The following CWF19L2 variants were observed in gnomAD, a reference collection of about 807,000 sequenced individuals.
The protein encoded by CWF19L2 is CWF19-like protein 2.
In CWF19L2, 98 loss-of-function variants were observed where a neutral mutation model predicts 111.7. That is an observed-to-expected ratio of 0.88 (90% CI 0.75 to 1.04). The LOEUF (loss-of-function observed/expected upper bound fraction) is 1.04, where lower values mean the gene tolerates loss of function less well. CWF19L2 is among the 50% of genes least tolerant of loss of function. The pLI is 0.00. For synonymous variants in CWF19L2, 351 were observed against 342.9 expected (o/e 1.02, Z -0.26); for missense variants, 1,101 against 1,051.4 (o/e 1.05, Z -0.65).
In CWF19L2 at chr11:107,356,988, A is replaced by C. The variant is rs999237703; in HGVS notation, c.1873-3252T>G. Among the ~76,000 whole-genome samples the C allele has an allele frequency of 2.6e-5, 4 of 152,298 alleles. 1 individual carries two copies. The highest frequency in any genetic ancestry group is 9.6e-5 in the African/African-American group (4 of 41,556). The stretch of plus-strand genomic sequence containing the variant: ...AGGAGGCGGAGGTTGCTGTGGGCCG[A>C]AATCACGCCATTGCACTCCAGCCTG... On this transcript the variant is annotated intron_variant, in intron 12 of 17. Coordinates refer to ENST00000282251, the MANE Select transcript of CWF19L2 (RefSeq NM_152434.3).
chr11:107,431,141 C>T (rs1861460769), intron 7 of CWF19L2, among the ~76,000 whole-genome samples: 1 of 151,824 alleles, frequency 6.6e-6, no homozygotes, highest in Non-Finnish European at 1.5e-5. Context: ...ATACCAGCTT[C>T]CAATCCTGTT....
At chr11:107,456,603 A>T (rs1861859017) in intron 1 of CWF19L2, among the ~76,000 whole-genome samples, 1 of 151,840 alleles carries the variant, frequency 6.6e-6, no homozygotes, top group South Asian at 2.1e-4. Flanking sequence ...AAAATAATTT[A>T]TTAAAGGTTT....
chr11:107,416,501 C>T (rs1861228601), intron 9 of CWF19L2, among the ~76,000 whole-genome samples: 1 of 152,106 alleles, frequency 6.6e-6, no homozygotes, highest in Non-Finnish European at 1.5e-5. Context: ...ATACCTGTGA[C>T]ATGCTTCAAA....
chr11:107,392,140 T>C (rs138715841), intron 11 of CWF19L2, among the ~76,000 whole-genome samples: 14 of 152,294 alleles, frequency 9.2e-5, no homozygotes, highest in Middle Eastern at 6.8e-3. Context: ...TCTAGCAACA[T>C]AGGCACTCAA....
At chr11:107,440,187 C>T (rs1360654334) in intron 5 of CWF19L2, among the ~76,000 whole-genome samples, 1 of 151,922 alleles carries the variant, frequency 6.6e-6, no homozygotes, top group Non-Finnish European at 1.5e-5. Context: ...CTAATGATAC[C>T]GAAGTTGACC....
In CWF19L2 at chr11:107,369,529, C is replaced by A. The variant is rs552612080; in HGVS notation, c.1873-15793G>T. Among the ~76,000 whole-genome samples the A allele has an allele frequency of 1.5e-5, 2 of 137,658 alleles. 1 individual carries two copies. The highest frequency in any genetic ancestry group is 3.1e-5 in the Non-Finnish European group (2 of 64,192). The allele number at this position is 137,658 out of a possible 152,430, so 90.3% of individuals were successfully genotyped here. A position where few individuals can be genotyped will look rare whatever the true frequency, so the allele number is the denominator to read the frequency against. ...CATAGGCTTGACTTATTCCCTGGCC[C>A]ACAATGACATTCTAGCTAGAAGCAA... On this transcript the variant is annotated intron_variant, in intron 12 of 17. Coordinates refer to ENST00000282251, the MANE Select transcript of CWF19L2 (RefSeq NM_152434.3).
At chr11:107,359,946 G>C (rs570425989) in intron 12 of CWF19L2, among the ~76,000 whole-genome samples, 1 of 152,356 alleles carries the variant, frequency 6.6e-6, no homozygotes, top group South Asian at 2.1e-4. Context: ...ACGGAGGTAA[G>C]AGGAAGTATG....
At chr11:107,409,744 G>A (rs1410873680) in intron 10 of CWF19L2, among the ~76,000 whole-genome samples, 3 of 152,084 alleles carry the variant, frequency 2.0e-5, no homozygotes, top group Non-Finnish European at 4.4e-5. Flanking sequence ...GAAGCTATGT[G>A]GTGGGCTTAA....
chr11:107,353,497 A>T, intron 13 of CWF19L2, 27 bp downstream of exon 13: 2 of 1,567,728 alleles, frequency 1.3e-6, no homozygotes, highest in Non-Finnish European at 1.8e-6. Flanking sequence ...ATGAGAATGT[A>T]AGCAAAGGAT....
chr11:107,339,854 G>A (rs1294328062), intron 14 of CWF19L2, among the ~76,000 whole-genome samples: 1 of 151,820 alleles, frequency 6.6e-6, no homozygotes, highest in Admixed American at 6.6e-5. Flanking sequence ...TTTTAGTAGA[G>A]TCAAGGTTTC....
At chr11:107,386,496 T>C (rs960646104) in intron 12 of CWF19L2, among the ~76,000 whole-genome samples, 8 of 152,130 alleles carry the variant, frequency 5.3e-5, no homozygotes, top group Non-Finnish European at 1.0e-4. Context: ...CCCATAGTTA[T>C]TAAAGTCACC....
chr11:107,373,331 CAA>C (rs1860543644), intron 12 of CWF19L2, among the ~76,000 whole-genome samples: 1 of 130,480 alleles, frequency 7.7e-6, no homozygotes, highest in South Asian at 2.6e-4. Context: ...CACAGACAAA[CAA>C]AAAGACAGCA....
chr11:107,357,142 A>G (rs899406589), intron 12 of CWF19L2, among the ~76,000 whole-genome samples: 1 of 152,238 alleles, frequency 6.6e-6, no homozygotes, highest in Non-Finnish European at 1.5e-5. Flanking sequence ...GGACAGAACC[A>G]GGAATCAAAA....
chr11:107,348,054 C>T (rs777136594), intron 14 of CWF19L2, among the ~76,000 whole-genome samples: 1 of 152,122 alleles, frequency 6.6e-6, no homozygotes, highest in Non-Finnish European at 1.5e-5. Flanking sequence ...AAGACATATT[C>T]TTACTTTTGC....
chr11:107,362,349 G>A (rs1372116900), intron 12 of CWF19L2, among the ~76,000 whole-genome samples: 3 of 151,938 alleles, frequency 2.0e-5, no homozygotes, highest in African/African-American at 4.8e-5. Flanking sequence ...GCCTGCCTCT[G>A]TAGGCTTCAC....
At chr11:107,399,367 G>A (rs1177737388) in intron 10 of CWF19L2, among the ~76,000 whole-genome samples, 2 of 152,066 alleles carry the variant, frequency 1.3e-5, no homozygotes, top group Admixed American at 6.6e-5. Context: ...TTAAAATAAA[G>A]GGATGGAAAA....
In CWF19L2 at chr11:107,353,504, G is replaced by A; in HGVS notation, c.2085+20C>T. Reference sequence around the variant, plus strand: ...AAAGTTCTATGAGAATGTAAGCAAAGGATAATAAATACTTCTTACCTTAAC... The same window carrying A: ...AAAGTTCTATGAGAATGTAAGCAAAAGATAATAAATACTTCTTACCTTAAC... On this transcript the variant is annotated intron_variant, in intron 13 of 17. Transcript: ENST00000282251. The A allele has an allele frequency of 6.3e-7, 1 of 1,583,794 alleles. No homozygotes were observed. Among genetic ancestry groups the A allele is most frequent in the Non-Finnish European group, 8.7e-7 (1 of 1,153,922 alleles).
At chr11:107,454,423 C>A in intron 3 of CWF19L2, 27 bp downstream of exon 3, 1 of 1,308,812 alleles carries the variant, frequency 7.6e-7, no homozygotes, top group South Asian at 2.5e-5. Flanking sequence ...CAAATAGCTG[C>A]TTTGATTAAT....
chr11:107,347,522 T>C (rs1181658027), intron 14 of CWF19L2, among the ~76,000 whole-genome samples: 2 of 152,220 alleles, frequency 1.3e-5, no homozygotes, highest in African/African-American at 4.8e-5. Context: ...TGATAACTTC[T>C]AACAATTATT....
Sources: allele counts gnomAD v4.1 joint callset (sites outside exome capture counted in the v4.1 genomes callset), GRCh38; gene constraint gnomAD v4.1.1; transcripts MANE v1.5; gene names NCBI Gene and HGNC (gene_info 2026-07-23, HGNC 2026-07-21).